ACTR3: variants seen among roughly 807,000 people sequenced by gnomAD.
ACTR3 encodes the protein actin related protein 3.
In ACTR3, 12 loss-of-function variants were observed where a neutral mutation model predicts 56.8. That is an observed-to-expected ratio of 0.21 (90% confidence interval 0.14 to 0.34). The LOEUF is 0.34. Among genes scored for constraint, ACTR3 ranks in the 10% least tolerant of loss-of-function variants. The pLI is 1.00. For missense variants in ACTR3, 282 were observed against 512.5 expected, an observed-to-expected ratio of 0.55 and a Z score of 4.34; for synonymous variants, 162 against 167.4, an observed-to-expected ratio of 0.97 and a Z score of 0.25.
chr2:113,927,622 G>A (rs1679645646), intron 4 of ACTR3, among the ~76,000 whole-genome samples, 167 bp downstream of exon 4: 1 of 152,084 alleles, frequency 6.6e-6, no homozygotes, highest in South Asian at 2.1e-4. Context: ...GGCTACAGGA[G>A]AATAGTAGTA....
At chr2:113,910,193 AG>A (rs1361521028) in intron 1 of ACTR3, among the ~76,000 whole-genome samples, 1 of 152,110 alleles carries the variant, frequency 6.6e-6, no homozygotes, top group African/African-American at 2.4e-5. Context: ...GTTGATCACC[AG>A]TGGCCAATGG....
intron 2 of ACTR3, among the ~76,000 whole-genome samples, chr2:113,916,540 C>G (rs993807461): frequency 1.4e-4 from 21 of 151,812 alleles, no homozygotes; most frequent in African/African-American, 5.1e-4. Context: ...TTTTTTCTTT[C>G]CAGTTGTTCA....
chr2:113,916,932 G>C lies in ACTR3; in HGVS notation c.149G>C (p.Arg50Thr). The change falls in exon 3 of 12, where the codon AGG (arginine) becomes ACG (threonine). Residue 50 changes from arginine to threonine, a missense_variant. By Grantham distance (71) the Arg-to-Thr change is moderately conservative. Transcript: ENST00000263238. ...AAAGTGGGTGATCAAGCTCAAAGGAGGGTGATGAAAGGTGTTGATGACCTA... is the reference window on the plus strand; with the variant it reads ...AAAGTGGGTGATCAAGCTCAAAGGACGGTGATGAAAGGTGTTGATGACCTA... ...SAKVGDQAQR[R>T]VMKGVDDLDF... 1 of 1,610,082 alleles carries C rather than the reference G, an allele frequency of 6.2e-7. No homozygotes were observed. The highest frequency in any genetic ancestry group is 8.5e-7 in the Non-Finnish European group (1 of 1,177,452).
In ACTR3 at chr2:113,942,278, C is replaced by G; in HGVS notation, c.777C>G (p.Ile259Met). 1.2e-6 allele frequency: 2 copies of G among 1,604,948 alleles called. No individual in the cohort carries two copies. Among genetic ancestry groups the G allele is most frequent in the Non-Finnish European group, 1.7e-6 (2 of 1,176,364 alleles). The change falls in exon 8 of 12, where the codon ATC becomes ATG. Residue 259 changes from isoleucine to methionine, a missense_variant. Transcript: ENST00000263238. ...GSKWIKQYTG[I>M]NAISKKEFSI... ...AATGGATTAAACAGTATACTGGAAT[C>G]AATGCTATCTCAAAGAAAGAGTTTT...
rs1680338569 is a variant in ACTR3 at position 113,962,316 on chromosome 2, T to G, written c.*4861T>G. On this transcript the variant is annotated 3_prime_UTR_variant, in exon 12 of 12. Transcript: ENST00000263238. ...AATGATCACAGGCTCTAAATCAGATTGTTGTACAAGGTAATTGACATGTCC... is the reference window on the plus strand; with the variant it reads ...AATGATCACAGGCTCTAAATCAGATGGTTGTACAAGGTAATTGACATGTCC... 1 of 151,944 alleles carries G rather than the reference T, an allele frequency of 6.6e-6. No individual in the cohort carries two copies. The highest frequency in any genetic ancestry group is 6.6e-5 in the Admixed American group (1 of 15,224). 9.4% of individuals were successfully genotyped at this position (151,944 alleles called of 1,614,324 possible). A position where few individuals can be genotyped will look rare whatever the true frequency, so the allele number is the denominator to read the frequency against.
Position 113,890,251 on chromosome 2 carries a change from G to GGCAGCAGCA in ACTR3, c.-21_-13dup. 1.9e-6 allele frequency: 3 copies of GGCAGCAGCA among 1,549,918 alleles called. No homozygotes were observed. Among genetic ancestry groups the GGCAGCAGCA allele is most frequent in the Non-Finnish European group, 2.6e-6 (3 of 1,145,900 alleles). ...CCCCTAGCAGCACGGAGCAGACGGCGGCAGCAGCAGCAGCAGGCGAGGAGG... is the reference window on the plus strand; with the variant it reads ...CCCCTAGCAGCACGGAGCAGACGGCGGCAGCAGCAGCAGCAGCAGCAGCAGGCGAGGAGG... On this transcript the variant is annotated 5_prime_UTR_variant, in exon 1 of 12. Transcript: ENST00000263238.
chr2:113,933,365 C>T (rs76474972), intron 5 of ACTR3, among the ~76,000 whole-genome samples: 19,814 of 151,808 alleles, frequency 0.13, 1,709 homozygotes, highest in East Asian at 0.3. Flanking sequence ...AAAAATTAGC[C>T]GGGTGTGGTG....
intron 1 of ACTR3, among the ~76,000 whole-genome samples, chr2:113,909,756 A>G (rs1274152614): frequency 6.6e-6 from 1 of 152,096 alleles, no homozygotes; most frequent in Non-Finnish European, 1.5e-5. Context: ...AGCAAGTGAT[A>G]GCAGATGCTT....
intron 3 of ACTR3, among the ~76,000 whole-genome samples, chr2:113,925,021 C>A (rs1336404218): frequency 6.6e-6 from 1 of 151,536 alleles, no homozygotes; most frequent in African/African-American, 2.4e-5. Context: ...CTCAGCCTCC[C>A]CAGTAGCTGG....
rs561706473 is a variant in ACTR3, at chr2:113,934,445, A to T, written c.540+59A>T. ...GAAATAACACATCTGGCAAAGTTAA[A>T]TTATACGAATTAATGTTACTTTTAA... On this transcript the variant is annotated intron_variant, in intron 6 of 11. Coordinates refer to ENST00000263238, the MANE Select transcript of ACTR3 (RefSeq NM_005721.5). 49 of 1,103,026 alleles carry T rather than the reference A, an allele frequency of 4.4e-5. No individual in the cohort carries two copies. In the African/African-American group the frequency reaches 7.3e-4, roughly 17 times the overall value. 68.3% of individuals were successfully genotyped at this position (1,103,026 alleles called of 1,614,324 possible). A position where few individuals can be genotyped will look rare whatever the true frequency, so the allele number is the denominator to read the frequency against.
intron 3 of ACTR3, among the ~76,000 whole-genome samples, chr2:113,926,869 T>C (rs1458195826): frequency 2.0e-5 from 3 of 151,476 alleles, no homozygotes; most frequent in Non-Finnish European, 4.4e-5. Context: ...ACTTTTCTTA[T>C]AACATTTTAT....
intron 7 of ACTR3, 101 bp downstream of exon 7, chr2:113,940,203 CTTG>C: frequency 9.6e-7 from 1 of 1,045,948 alleles, no homozygotes; most frequent in Non-Finnish European, 1.4e-6. Context: ...TTGAAATAAT[CTTG>C]TTAACCAGTT....
At chr2:113,944,515 G>A (rs1365417927) in intron 8 of ACTR3, among the ~76,000 whole-genome samples, 1 of 144,478 alleles carries the variant, frequency 6.9e-6, no homozygotes, top group African/African-American at 2.6e-5. Flanking sequence ...AATTGAGGCC[G>A]AAGCGGGCAG....
Position 113,890,341 on chromosome 2 carries a change from C to T in ACTR3, c.44+18C>T. On this transcript the variant is annotated intron_variant, in intron 1 of 11. Coordinates refer to ENST00000263238, the MANE Select transcript of ACTR3 (RefSeq NM_005721.5). ...GGCACGGGGTAAGGGGGCTTACGGG[C>T]GGGGGTGGGGAAACTGAGGCGGAGG... 6.5e-6 allele frequency: 1 copy of T among 152,996 alleles called. No homozygotes were observed. Among genetic ancestry groups the T allele is most frequent in the Non-Finnish European group, 1.1e-5 (1 of 88,464 alleles). The allele number at this position is 152,996 out of a possible 1,614,324, so 9.5% of individuals were successfully genotyped here.
chr2:113,893,134 CT>C (rs1423659460), intron 1 of ACTR3, among the ~76,000 whole-genome samples: 3 of 151,976 alleles, frequency 2.0e-5, no homozygotes, highest in Admixed American at 1.3e-4. Flanking sequence ...GAACTCAAAC[CT>C]GCTATTAGTG....
chr2:113,890,572 G>C, intron 1 of ACTR3: 1 of 1,368,838 alleles, frequency 7.3e-7, no homozygotes, highest in Non-Finnish European at 9.4e-7. Flanking sequence ...GGCTTTCTCC[G>C]CGCGACCCCT....
At chr2:113,918,114 A>G (rs780612250) in intron 3 of ACTR3, among the ~76,000 whole-genome samples, 1 of 152,216 alleles carries the variant, frequency 6.6e-6, no homozygotes, top group East Asian at 1.9e-4. Flanking sequence ...AGGAGGCTGT[A>G]TAGGTAGGCA....
intron 1 of ACTR3, among the ~76,000 whole-genome samples, chr2:113,891,090 A>G (rs1162078150): frequency 6.6e-5 from 10 of 152,156 alleles, no homozygotes; most frequent in Non-Finnish European, 1.5e-4. Flanking sequence ...ATACCCTTAT[A>G]AGGTAGTTTT....
rs1324574069 is a variant in ACTR3 at position 113,959,808 on chromosome 2, G to A, written c.*2353G>A. 2 of 152,058 alleles carry A rather than the reference G, an allele frequency of 1.3e-5. No individual in the cohort carries two copies. The highest frequency in any genetic ancestry group is 1.3e-4 in the Admixed American group (2 of 15,242). 9.4% of individuals were successfully genotyped at this position (152,058 alleles called of 1,614,324 possible). A position where few individuals can be genotyped will look rare whatever the true frequency, so the allele number is the denominator to read the frequency against. ...AAGCAACGTGAGCATGGTAGCAAAA[G>A]CACTAACTGAAGCCAGTGATTTAAT... On this transcript the variant is annotated 3_prime_UTR_variant, in exon 12 of 12. Transcript: ENST00000263238.
Sources: gnomAD v4.1 joint callset for allele counts (sites outside exome capture counted in the v4.1 genomes callset) on GRCh38, gnomAD v4.1.1 for gene constraint, MANE v1.5 for transcripts, NCBI Gene and HGNC (gene_info 2026-07-23, HGNC 2026-07-21) for gene names.